SCTR: variants seen among roughly 807,000 people sequenced by gnomAD.
SCTR encodes the protein secretin receptor.
SCTR carries 56 observed loss-of-function variants against 60.8 expected under a neutral mutation model. That is an observed-to-expected ratio of 0.92 (90% CI 0.74 to 1.15). SCTR has a LOEUF of 1.15. Among genes scored for constraint, SCTR ranks in the 50% most tolerant of loss-of-function variants. The pLI is 0.00. For synonymous variants in SCTR, 202 were observed against 217.0 expected, an observed-to-expected ratio of 0.93 and a Z score of 0.61; for missense variants, 562 against 550.4, an observed-to-expected ratio of 1.02 and a Z score of -0.21.
chr2:119,458,719 A>C (rs552654634), intron 7 of SCTR, among the ~76,000 whole-genome samples: 1 of 152,340 alleles, frequency 6.6e-6, no homozygotes, highest in East Asian at 1.9e-4. Flanking sequence ...AAAGTTTGCA[A>C]AATTTGTAAT....
At chr2:119,466,014 C>T in intron 4 of SCTR, 128 bp from the exon 5 acceptor site, 2 of 643,672 alleles carry the variant, frequency 3.1e-6, no homozygotes, top group Non-Finnish European at 5.7e-6. Flanking sequence ...CTCAAGGACG[C>T]CAATTCACAG....
At position 119,458,317 on chromosome 2, in the gene SCTR, A is replaced by AT. The variant is rs1490453243; in HGVS notation, c.790+3529_790+3530insA. On this transcript the variant is annotated intron_variant, in intron 7 of 12. Transcript: ENST00000019103. ...AGAGACCCTATCTTGAAAAAAAAAA[A>AT]AAAGCCGGGCGTGGTGGCTCACGCC... 2.9e-5 allele frequency among the ~76,000 whole-genome samples: 4 copies of AT among 139,894 alleles called. No individual in the cohort carries two copies. The East Asian group carries it at 8.7e-4, about 30-fold the overall frequency. The allele number at this position is 139,894 out of a possible 152,430, so 91.8% of individuals were successfully genotyped here. A position where few individuals can be genotyped will look rare whatever the true frequency, so the allele number is the denominator to read the frequency against.
At chr2:119,464,391 C>T (rs147104961) in intron 5 of SCTR, 136 bp from the exon 6 acceptor site, 7 of 792,942 alleles carry the variant, frequency 8.8e-6, no homozygotes, top group Admixed American at 4.7e-5. Context: ...ATTCTGTGAG[C>T]ATAACCTGAA....
intron 2 of SCTR, among the ~76,000 whole-genome samples, chr2:119,482,858 A>C (rs1677690770): frequency 6.6e-6 from 1 of 152,076 alleles, no homozygotes. Context: ...GCCAAGGGTG[A>C]CCCAGAGCCC....
intron 2 of SCTR, chr2:119,480,846 G>T (rs1677567251): frequency 6.6e-6 from 1 of 152,358 alleles, no homozygotes; most frequent in African/African-American, 2.4e-5. Flanking sequence ...GCCGCAGTCA[G>T]CGCTCCTCCC....
intron 4 of SCTR, among the ~76,000 whole-genome samples, chr2:119,472,011 G>C (rs1331805363): frequency 6.6e-6 from 1 of 152,200 alleles, no homozygotes; most frequent in Non-Finnish European, 1.5e-5. Flanking sequence ...CCTCATAGGT[G>C]CCAAGCATTG....
chr2:119,454,563 G>A (rs1026981736), intron 7 of SCTR, among the ~76,000 whole-genome samples: 6 of 152,122 alleles, frequency 3.9e-5, no homozygotes, highest in Non-Finnish European at 5.9e-5. Flanking sequence ...ATAAAAGGAC[G>A]TAAAACATGG....
intron 6 of SCTR, among the ~76,000 whole-genome samples, chr2:119,463,737 C>T (rs1452478340): frequency 6.6e-6 from 1 of 152,150 alleles, no homozygotes; most frequent in East Asian, 1.9e-4. Flanking sequence ...ACATACTGGC[C>T]CATGCTCACC....
At chr2:119,506,656 C>CTT (rs761927295) in intron 1 of SCTR, among the ~76,000 whole-genome samples, 3 of 152,038 alleles carry the variant, frequency 2.0e-5, no homozygotes, top group Non-Finnish European at 2.9e-5. Context: ...ATTTTTAATA[C>CTT]TTTTTGTAGA....
At chr2:119,466,154 ACT>A (rs1683826519) in intron 4 of SCTR, among the ~76,000 whole-genome samples, 1 of 151,844 alleles carries the variant, frequency 6.6e-6, no homozygotes, top group South Asian at 2.1e-4. Context: ...CCCCTTACCA[ACT>A]CTCTGAATTC....
At chr2:119,512,286 G>C (rs866154978) in intron 1 of SCTR, among the ~76,000 whole-genome samples, 1 of 149,882 alleles carries the variant, frequency 6.7e-6, no homozygotes, top group African/African-American at 2.5e-5. Flanking sequence ...TTTTGTCTTC[G>C]TGATCTTCTT....
chr2:119,485,070 G>C (rs932531487), intron 2 of SCTR, among the ~76,000 whole-genome samples: 3 of 152,198 alleles, frequency 2.0e-5, no homozygotes, highest in African/African-American at 7.2e-5. Flanking sequence ...ACAGGGCTCT[G>C]CCAGTCACCA....
At chr2:119,521,770 T>C (rs1304146361) in intron 1 of SCTR, among the ~76,000 whole-genome samples, 3 of 151,840 alleles carry the variant, frequency 2.0e-5, no homozygotes, top group Non-Finnish European at 2.9e-5. Context: ...ACACTTAGAT[T>C]TCAAAATCAA....
At chr2:119,519,799 A>G (rs2579615) in intron 1 of SCTR, among the ~76,000 whole-genome samples, 28,286 of 130,272 alleles carry the variant, frequency 0.22, 3,929 homozygotes, top group East Asian at 0.77. Flanking sequence ...GAGTGAGATG[A>G]GACTCTGTCT....
At chr2:119,462,320 G>A (rs1324805328) in intron 6 of SCTR, among the ~76,000 whole-genome samples, 7 of 152,228 alleles carry the variant, frequency 4.6e-5, no homozygotes, top group Admixed American at 1.3e-4. Flanking sequence ...GAACTGTGTC[G>A]GATACTGCCC....
chr2:119,445,407 G>T (rs1573787053), intron 11 of SCTR, among the ~76,000 whole-genome samples: 1 of 152,340 alleles, frequency 6.6e-6, no homozygotes, highest in Non-Finnish European at 1.5e-5. Flanking sequence ...GCACTGACGG[G>T]TTACTGGGTA....
intron 11 of SCTR, among the ~76,000 whole-genome samples, chr2:119,445,826 A>G (rs1682905507): frequency 6.6e-6 from 1 of 152,040 alleles, no homozygotes. Flanking sequence ...CATACTTATG[A>G]CCCATCTCTC....
At chr2:119,493,791 G>A (rs970266102) in intron 2 of SCTR, among the ~76,000 whole-genome samples, 9 of 151,960 alleles carry the variant, frequency 5.9e-5, no homozygotes, top group South Asian at 2.1e-4. Context: ...ACAGGCATGC[G>A]CCACCACGCC....
In SCTR at chr2:119,488,016, T is replaced by G. The variant is rs574866541; in HGVS notation, c.193+6412A>C. Among the ~76,000 whole-genome samples, 19 of 152,244 alleles carry G rather than the reference T, an allele frequency of 1.2e-4. No homozygotes were observed. The East Asian group carries it at 3.5e-3, about 28-fold the overall frequency. On this transcript the variant is annotated intron_variant, in intron 2 of 12. Coordinates refer to ENST00000019103, the MANE Select transcript of SCTR (RefSeq NM_002980.3). ...TCTTAGTCTTTTAGGGGATTTTTCC[T>G]CAGACATCACACCCGCTCCACACTC...
Sources: allele counts gnomAD v4.1 joint callset (sites outside exome capture counted in the v4.1 genomes callset), GRCh38; gene constraint gnomAD v4.1.1; transcripts MANE v1.5; gene names NCBI Gene and HGNC (gene_info 2026-07-23, HGNC 2026-07-21).